DEPDC1: variants seen among roughly 807,000 people sequenced by gnomAD.
DEPDC1 encodes DEP domain-containing protein 1A.
DEPDC1 carries 66 observed loss-of-function variants against 86.8 expected under a neutral mutation model. The observed-to-expected ratio is 0.76, with a 90% confidence interval of 0.62 to 0.93. DEPDC1 has a LOEUF of 0.93. Among genes scored for constraint, DEPDC1 ranks in the 40% least tolerant of loss-of-function variants. The pLI, the probability that DEPDC1 is intolerant of heterozygous loss-of-function variation, is 0.00. For missense variants in DEPDC1, 792 were observed against 935.7 expected, an observed-to-expected ratio of 0.85 and a Z score of 2.00; for synonymous variants, 255 against 314.9, an observed-to-expected ratio of 0.81 and a Z score of 2.02.
chr1:68,479,234 G>C lies in DEPDC1; in HGVS notation c.2022C>G (p.Phe674Leu). 1 of 1,612,536 alleles carries C rather than the reference G, an allele frequency of 6.2e-7. No homozygotes were observed. The highest frequency in any genetic ancestry group is 8.5e-7 in the Non-Finnish European group (1 of 1,179,210). ...DELLAGRLVS[F>L]LMDHHQEILQ... ...GAATTTCCTGATGATGATCCATTAAGAAAGAAACTAATCTTCCAGCAAGAA... is the reference window on the plus strand; with the variant it reads ...GAATTTCCTGATGATGATCCATTAACAAAGAAACTAATCTTCCAGCAAGAA... Residue 674 changes from phenylalanine to leucine, a missense_variant, in exon 10 of 12, where the codon TTC (phenylalanine) becomes TTG (leucine). Coordinates refer to ENST00000456315, the MANE Select transcript of DEPDC1 (RefSeq NM_001114120.3).
At position 68,475,084 on chromosome 1, in the gene DEPDC1, C is replaced by T. The variant is rs1646106081; in HGVS notation, c.*1848G>A. ...ATCCTCGCAATCCTAAAAAGAGGTA[C>T]TATTATAATATTCATTTTATAGATA... On this transcript the variant is annotated 3_prime_UTR_variant, in exon 12 of 12. Coordinates refer to ENST00000456315, the MANE Select transcript of DEPDC1 (RefSeq NM_001114120.3). 6.6e-6 allele frequency: 1 copy of T among 151,944 alleles called. No homozygotes were observed. The highest frequency in any genetic ancestry group is 2.4e-5 in the African/African-American group (1 of 41,412). The allele number at this position is 151,944 out of a possible 1,614,324, so 9.4% of individuals were successfully genotyped here.
intron 9 of DEPDC1, 101 bp from the exon 10 acceptor site, chr1:68,479,421 A>G: frequency 1.2e-6 from 1 of 826,462 alleles, no homozygotes; most frequent in Non-Finnish European, 1.8e-6. Context: ...ATTGGGAAAA[A>G]GTGGTAAGCA....
At chr1:68,477,123 A>G (rs1646121163) in intron 11 of DEPDC1, 54 bp from the exon 12 acceptor site, 3 of 1,423,684 alleles carry the variant, frequency 2.1e-6, no homozygotes, top group South Asian at 1.3e-5. Context: ...CCCAAGCTGA[A>G]GCAGTGCTCA....
intron 3 of DEPDC1, among the ~76,000 whole-genome samples, 173 bp from the exon 4 acceptor site, chr1:68,489,207 A>C (rs1017493287): frequency 6.6e-6 from 1 of 151,886 alleles, no homozygotes; most frequent in African/African-American, 2.4e-5. Context: ...ACCACCCTCA[A>C]ATCAATTTAA....
At chr1:68,479,118 A>G in intron 10 of DEPDC1, 26 bp downstream of exon 10, 1 of 1,574,544 alleles carries the variant, frequency 6.4e-7, no homozygotes, top group Non-Finnish European at 8.6e-7. Flanking sequence ...ACTATTGCAG[A>G]GAATTTTAAG....
intron 9 of DEPDC1, among the ~76,000 whole-genome samples, chr1:68,479,865 GT>G (rs1187345531): frequency 6.6e-6 from 1 of 151,652 alleles, no homozygotes; most frequent in African/African-American, 2.4e-5. Context: ...AAAGGCTTTG[GT>G]TTTTCTACAA....
intron 3 of DEPDC1, 81 bp downstream of exon 3, chr1:68,489,371 G>T (rs964001689): frequency 1.9e-6 from 2 of 1,026,428 alleles, no homozygotes; most frequent in Non-Finnish European, 2.7e-6. Context: ...AAATATTAAA[G>T]AATAATTTAC....
At chr1:68,480,252 CCACACACA>C (rs72099346) in intron 9 of DEPDC1, among the ~76,000 whole-genome samples, 1 of 145,426 alleles carries the variant, frequency 6.9e-6, no homozygotes, top group Admixed American at 6.9e-5. Flanking sequence ...TCTAACTGTA[CCACACACA>C]CACACACACA....
In DEPDC1 at chr1:68,486,915, CACACACAT is replaced by C. The variant is rs755258684; in HGVS notation, c.769+14_769+21del. 1.3e-6 allele frequency: 2 copies of C among 1,573,326 alleles called. No individual in the cohort carries two copies. The highest frequency in any genetic ancestry group is 2.3e-5 in the East Asian group (1 of 42,980). On this transcript the variant is annotated intron_variant, in intron 6 of 11. Coordinates refer to ENST00000456315, the MANE Select transcript of DEPDC1 (RefSeq NM_001114120.3). ...ACACACACACACACACACACACACA[CACACACAT>C]ATATTTAACTTACAATTTGCTAGGC...
chr1:68,491,598 G>T (rs1646228985), intron 2 of DEPDC1, among the ~76,000 whole-genome samples: 1 of 152,050 alleles, frequency 6.6e-6, no homozygotes, highest in South Asian at 2.1e-4. Flanking sequence ...TAAAAAAAAT[G>T]AAATTCTTTG....
chr1:68,480,274 A>ACACACC (rs1354976642), intron 9 of DEPDC1, among the ~76,000 whole-genome samples: 1 of 151,382 alleles, frequency 6.6e-6, no homozygotes, highest in Non-Finnish European at 1.5e-5. Context: ...ACACACACAC[A>ACACACC]CACACACACC....
intron 5 of DEPDC1, 57 bp downstream of exon 5, chr1:68,488,317 A>G (rs1005660749): frequency 3.3e-6 from 5 of 1,516,514 alleles, no homozygotes; most frequent in African/African-American, 1.4e-5. Flanking sequence ...TTACACTACT[A>G]TAGCTGCAAC....
chr1:68,489,783 T>C (rs1646217407), intron 2 of DEPDC1, among the ~76,000 whole-genome samples, 175 bp from the exon 3 acceptor site: 1 of 151,964 alleles, frequency 6.6e-6, no homozygotes, highest in Admixed American at 6.6e-5. Context: ...GTTCCTTTTT[T>C]CTTTAGTATA....
chr1:68,493,226 G>A (rs948448197), intron 2 of DEPDC1, among the ~76,000 whole-genome samples: 1 of 152,038 alleles, frequency 6.6e-6, no homozygotes, highest in African/African-American at 2.4e-5. Context: ...GATTGTTATT[G>A]TAGTTTACTT....
In DEPDC1 at chr1:68,477,896, A is replaced by G; in HGVS notation, c.2189T>C (p.Phe730Ser). The part of the protein sequence containing the change: ...SYCKQISAQE[F>S]DEQKVSTSQA... Reference sequence around the variant, plus strand: ...AGAGGTAGAAACTTTTTGCTCATCAAACTCCTGAGCACTAATCTGCTTACA... The same window carrying G: ...AGAGGTAGAAACTTTTTGCTCATCAGACTCCTGAGCACTAATCTGCTTACA... Residue 730 changes from phenylalanine (F) to serine (S), a missense_variant, in exon 11 of 12, where the codon TTT (phenylalanine) becomes TCT (serine). Phe to Ser is a radical substitution (Grantham distance 155, BLOSUM62 -2). Coordinates refer to ENST00000456315, the MANE Select transcript of DEPDC1 (RefSeq NM_001114120.3). The G allele has an allele frequency of 6.3e-7, 1 of 1,588,938 alleles. No homozygotes were observed.
chr1:68,476,933 T>C lies in DEPDC1; in HGVS notation c.2435A>G (p.Ter812=), dbSNP rs114891085. ...TTACATAATTTTTAATTCAGTTAGT[T>C]ATCTTAGACTACGGAACTTTGGTTT... is the stretch of plus-strand genomic sequence containing the variant. The part of the protein sequence containing the change: ...LRKPKFRSLR[*] The change falls in exon 12 of 12, where the codon TAA becomes TGA. Residue 812 remains the stop codon, a stop_retained_variant. Coordinates refer to ENST00000456315, the MANE Select transcript of DEPDC1 (RefSeq NM_001114120.3). 9.7e-4 allele frequency: 1,535 copies of C among 1,578,068 alleles called. 12 individuals carry two copies. In the African/African-American group the frequency reaches 0.019, roughly 19 times the overall value.
At chr1:68,489,399 T>C in intron 3 of DEPDC1, 53 bp downstream of exon 3, 5 of 1,230,648 alleles carry the variant, frequency 4.1e-6, no homozygotes, top group Admixed American at 2.8e-5. Context: ...GATTCTATCA[T>C]TGAGTACATC....
At chr1:68,489,129 G>T in intron 3 of DEPDC1, 95 bp from the exon 4 acceptor site, 1 of 782,278 alleles carries the variant, frequency 1.3e-6, no homozygotes, top group Non-Finnish European at 2.1e-6. Flanking sequence ...CCATTGTGGA[G>T]CTATAAAGTA....
In DEPDC1 at chr1:68,488,977, C is replaced by A. The variant is rs753462876; in HGVS notation, c.529G>T (p.Asp177Tyr). ...TCTTCCTGGCTTAGTTCTCTATTAT[C>A]AATTGCATTTTCTTGATCTTCATTG... ...IINEDQENAI[D>Y]NRELSQEDVE... Residue 177 changes from aspartate to tyrosine, a missense_variant, in exon 4 of 12, where the codon GAT (aspartate) becomes TAT (tyrosine). Physicochemically the swap from Asp to Tyr is radical, Grantham distance 160. Coordinates refer to ENST00000456315, the MANE Select transcript of DEPDC1 (RefSeq NM_001114120.3). 1.2e-6 allele frequency: 2 copies of A among 1,606,640 alleles called. No homozygotes were observed. Among genetic ancestry groups the A allele is most frequent in the Non-Finnish European group, 1.7e-6 (2 of 1,175,704 alleles).
Sources: gnomAD v4.1 joint callset for allele counts (sites outside exome capture counted in the v4.1 genomes callset) on GRCh38, gnomAD v4.1.1 for gene constraint, MANE v1.5 for transcripts, NCBI Gene and HGNC (gene_info 2026-07-23, HGNC 2026-07-21) for gene names.